SLC12A1: variants seen among roughly 807,000 people sequenced by gnomAD.
SLC12A1 encodes the protein solute carrier family 12 member 1, also known as Na-K-2Cl cotransporter.
SLC12A1 carries 89 observed loss-of-function variants against 130.4 expected under a neutral mutation model. The observed-to-expected ratio is 0.68, with a 90% CI of 0.58 to 0.81. The LOEUF is 0.81. SLC12A1 is among the 40% of genes least tolerant of loss of function. The pLI, the probability that SLC12A1 is intolerant of heterozygous loss-of-function variation, is 0.00. For missense variants in SLC12A1, 1,310 were observed against 1,336.4 expected (o/e 0.98, Z 0.31); for synonymous variants, 499 against 460.0 (o/e 1.08, Z -1.09).
At chr15:48,285,430 C>T (rs535165412) in intron 21 of SLC12A1, among the ~76,000 whole-genome samples, 181 bp downstream of exon 21, 1 of 152,318 alleles carries the variant, frequency 6.6e-6, no homozygotes, top group East Asian at 1.9e-4. Context: ...TTATCAACCT[C>T]ATTAAGTACT....
intron 17 of SLC12A1, among the ~76,000 whole-genome samples, chr15:48,266,884 A>G (rs1030717307): frequency 1.3e-5 from 2 of 152,210 alleles, no homozygotes; most frequent in African/African-American, 4.8e-5. Context: ...CTTATCAACC[A>G]TCACAACACC....
intron 24 of SLC12A1, 117 bp downstream of exon 24, chr15:48,291,981 T>TC: frequency 1.5e-6 from 1 of 672,534 alleles, no homozygotes; most frequent in Non-Finnish European, 2.6e-6. Context: ...CTTGATAGGA[T>TC]CTAATAAGAA....
In SLC12A1 at chr15:48,207,661, T is replaced by C. The variant is rs1042910241; in HGVS notation, c.-59T>C. Reference sequence around the variant, plus strand: ...TAGTGTTTATTTTGATGAAGAAATATATAGATTTTTTAAAACAACCACAAA... The same window carrying C: ...TAGTGTTTATTTTGATGAAGAAATACATAGATTTTTTAAAACAACCACAAA... On this transcript the variant is annotated 5_prime_UTR_variant, in exon 2 of 27. Transcript: ENST00000380993. The C allele has an allele frequency of 1.4e-6, 2 of 1,391,724 alleles. No homozygotes were observed. Among genetic ancestry groups the C allele is most frequent in the Non-Finnish European group, 1.9e-6 (2 of 1,045,828 alleles). The allele number at this position is 1,391,724 out of a possible 1,614,324, so 86.2% of individuals were successfully genotyped here. A position where few individuals can be genotyped will look rare whatever the true frequency, so the allele number is the denominator to read the frequency against.
intron 24 of SLC12A1, among the ~76,000 whole-genome samples, chr15:48,293,538 G>A (rs1470936434): frequency 2.0e-5 from 3 of 152,038 alleles, no homozygotes; most frequent in Non-Finnish European, 4.4e-5. Context: ...TCTTCCTTTT[G>A]TACTTCTTGA....
Position 48,207,762 on chromosome 15 carries a change from C to T in SLC12A1, c.43C>T (p.Pro15Ser), listed in dbSNP as rs1027458847. ...TTCCAATGTATTTCTGGATTCAGTG[C>T]CCAGTAATACCAATCGCTTTCAAGT... ...NSSNVFLDSV[P>S]SNTNRFQVSV... Residue 15 changes from proline (P) to serine (S), a missense_variant, in exon 2 of 27, where the codon CCC becomes TCC. Pro to Ser is a moderately conservative substitution (Grantham distance 74, BLOSUM62 -1). Coordinates refer to ENST00000380993, the MANE Select transcript of SLC12A1 (RefSeq NM_000338.3). 6.2e-7 allele frequency: 1 copy of T among 1,603,642 alleles called. No individual in the cohort carries two copies. The highest frequency in any genetic ancestry group is 1.3e-5 in the African/African-American group (1 of 74,586).
chr15:48,252,641 C>A (rs1323646548), intron 15 of SLC12A1, among the ~76,000 whole-genome samples: 1 of 151,832 alleles, frequency 6.6e-6, no homozygotes, highest in Non-Finnish European at 1.5e-5. Flanking sequence ...TTCACAGAGT[C>A]AAACACTCAG....
intron 14 of SLC12A1, among the ~76,000 whole-genome samples, chr15:48,250,768 A>G (rs758189647): frequency 5.3e-5 from 8 of 152,054 alleles, no homozygotes; most frequent in Middle Eastern, 3.4e-3. Context: ...TTGAAGTGCT[A>G]TGTCCATCTT....
intron 1 of SLC12A1, among the ~76,000 whole-genome samples, chr15:48,207,175 T>A (rs1281973233): frequency 6.6e-6 from 1 of 152,220 alleles, no homozygotes; most frequent in Non-Finnish European, 1.5e-5. Context: ...TTTAGTACTG[T>A]CAGTGAACTG....
chr15:48,266,567 A>G (rs1376220700), intron 17 of SLC12A1, among the ~76,000 whole-genome samples: 1 of 151,698 alleles, frequency 6.6e-6, no homozygotes. Context: ...GGAGCTTGTT[A>G]GAAATGCAAA....
intron 5 of SLC12A1, chr15:48,228,393 G>A (rs12912107): frequency 0.61 from 93,152 of 153,598 alleles, 32,542 homozygotes; most frequent in Non-Finnish European, 0.78. Flanking sequence ...AACAGGCAAG[G>A]GACCTACTTG....
At chr15:48,238,356 C>A (rs534239818) in intron 9 of SLC12A1, among the ~76,000 whole-genome samples, 1 of 152,212 alleles carries the variant, frequency 6.6e-6, no homozygotes, top group South Asian at 2.1e-4. Context: ...GGACTGGCAG[C>A]CTTGACATGG....
chr15:48,213,094 G>A (rs1376185264), intron 2 of SLC12A1, among the ~76,000 whole-genome samples: 1 of 152,130 alleles, frequency 6.6e-6, no homozygotes, highest in East Asian at 1.9e-4. Flanking sequence ...GAAAACAAAG[G>A]CTTGCAAAAG....
intron 2 of SLC12A1, among the ~76,000 whole-genome samples, chr15:48,220,135 A>ATAGAT (rs2041187137): frequency 8.9e-6 from 1 of 112,166 alleles, no homozygotes; most frequent in Non-Finnish European, 1.6e-5. Flanking sequence ...AAAAAGGTAG[A>ATAGAT]TAGATAGATA....
At chr15:48,299,586 G>A (rs1222021447) in intron 25 of SLC12A1, among the ~76,000 whole-genome samples, 2 of 152,178 alleles carry the variant, frequency 1.3e-5, no homozygotes, top group Non-Finnish European at 2.9e-5. Context: ...AAAATAATTT[G>A]AGTCAATATG....
At chr15:48,260,648 A>C (rs940544162) in intron 17 of SLC12A1, among the ~76,000 whole-genome samples, 3 of 152,158 alleles carry the variant, frequency 2.0e-5, no homozygotes, top group African/African-American at 7.2e-5. Context: ...AAGTGTGCTA[A>C]GTGTCACGCC....
Position 48,288,498 on chromosome 15 carries a change from T to C in SLC12A1, c.2855T>C (p.Ile952Thr), listed in dbSNP as rs773480610. ...TATGTGGGAGGGAAGATCAACCGCA[T>C]TGAAGAAGAAAAAATTGTGTAAGTA... is the stretch of plus-strand genomic sequence containing the variant. ...RIYVGGKINR[I>T]EEEKIVMASL... is the part of the protein sequence containing the mutation. Residue 952 changes from isoleucine (I) to threonine (T), a missense_variant, in exon 23 of 27, where the codon ATT becomes ACT. Physicochemically the swap from Ile to Thr is moderately conservative, Grantham distance 89. Coordinates refer to ENST00000380993, the MANE Select transcript of SLC12A1 (RefSeq NM_000338.3). 3 of 1,538,846 alleles carry C rather than the reference T, an allele frequency of 1.9e-6. No individual in the cohort carries two copies. Among genetic ancestry groups the C allele is most frequent in the Non-Finnish European group, 2.6e-6 (3 of 1,134,180 alleles).
At chr15:48,246,550 G>T (rs2041582471) in intron 11 of SLC12A1, among the ~76,000 whole-genome samples, 1 of 152,212 alleles carries the variant, frequency 6.6e-6, no homozygotes, top group Non-Finnish European at 1.5e-5. Flanking sequence ...AGAGGCTGAG[G>T]TGGGCGGATC....
At chr15:48,208,638 A>G (rs2041011901) in intron 2 of SLC12A1, among the ~76,000 whole-genome samples, 1 of 152,218 alleles carries the variant, frequency 6.6e-6, no homozygotes, top group Non-Finnish European at 1.5e-5. Context: ...GACTTAGGAT[A>G]GAGAACTAAA....
intron 24 of SLC12A1, among the ~76,000 whole-genome samples, chr15:48,293,449 G>T (rs1382668766): frequency 1.3e-5 from 2 of 152,144 alleles, no homozygotes; most frequent in African/African-American, 4.8e-5. Context: ...ATCATACAGA[G>T]GGATGTGAAG....
Sources: gnomAD v4.1 joint callset for allele counts (sites outside exome capture counted in the v4.1 genomes callset) on GRCh38, gnomAD v4.1.1 for gene constraint, MANE v1.5 for transcripts, NCBI Gene and HGNC (gene_info 2026-07-23, HGNC 2026-07-21) for gene names.